The following ADAMTS2 variants were observed in gnomAD, a reference collection of about 807,000 sequenced individuals.
The protein encoded by ADAMTS2 is ADAM metallopeptidase with thrombospondin type 1 motif 2, also known as A disintegrin and metalloproteinase with thrombospondin motifs 2.
A neutral mutation model predicts 123.0 loss-of-function variants in ADAMTS2; 50 were observed. The ratio of observed to expected loss-of-function variants is 0.41; its 90% CI spans 0.32 to 0.51. The LOEUF is 0.51. Ranked by LOEUF, ADAMTS2 falls within the 20% of genes least tolerant of loss-of-function variation. The pLI, the probability that ADAMTS2 is intolerant of heterozygous loss-of-function variation, is 0.35. For missense variants in ADAMTS2, 1,494 were observed against 1,705.2 expected (o/e 0.88, Z 2.18); for synonymous variants, 678 against 695.4 (o/e 0.98, Z 0.39).
intron 4 of ADAMTS2, among the ~76,000 whole-genome samples, chr5:179,196,078 G>A (rs995696517): frequency 5.3e-5 from 8 of 152,062 alleles, no homozygotes; most frequent in South Asian, 2.1e-4. Flanking sequence ...CTTCCCCACC[G>A]CCACCATGCG....
intron 12 of ADAMTS2, among the ~76,000 whole-genome samples, chr5:179,136,728 T>G (rs2113216009): frequency 6.6e-6 from 1 of 150,412 alleles, no homozygotes; most frequent in South Asian, 2.1e-4. Flanking sequence ...CCCAGCACTT[T>G]GGGAGGCCGA....
At chr5:179,200,344 G>C (rs533649883) in intron 4 of ADAMTS2, among the ~76,000 whole-genome samples, 1 of 149,564 alleles carries the variant, frequency 6.7e-6, no homozygotes, top group African/African-American at 2.5e-5. Flanking sequence ...CGCCTCCCAG[G>C]TTCAAGCCAT....
intron 3 of ADAMTS2, among the ~76,000 whole-genome samples, chr5:179,255,671 C>T (rs1171657967): frequency 6.6e-6 from 1 of 152,158 alleles, no homozygotes; most frequent in Non-Finnish European, 1.5e-5. Flanking sequence ...GAGGTAGAGC[C>T]GTCTCCCAAG....
At position 179,311,067 on chromosome 5, in the gene ADAMTS2, C is replaced by G. The variant is rs553393073; in HGVS notation, c.534+32700G>C. Among the ~76,000 whole-genome samples, 102 of 151,172 alleles carry G rather than the reference C, an allele frequency of 6.7e-4. 1 individual carries two copies. In the South Asian group the frequency reaches 0.021, roughly 30 times the overall value. Reference sequence around the variant, plus strand: ...CCCCCAACCCACCGAGTGCAGGGCCCGTTGACTCCTATCTCAACAACAACA... The same window carrying G: ...CCCCCAACCCACCGAGTGCAGGGCCGGTTGACTCCTATCTCAACAACAACA... On this transcript the variant is annotated intron_variant, in intron 2 of 21. Transcript: ENST00000251582.
intron 2 of ADAMTS2, among the ~76,000 whole-genome samples, chr5:179,336,159 G>A (rs56105546): frequency 0.25 from 37,414 of 152,078 alleles, 4,645 homozygotes; most frequent in Admixed American, 0.29. Flanking sequence ...TGCAATCGGC[G>A]GGTCTCAGGC....
In ADAMTS2 at chr5:179,155,903, C is replaced by G. The variant is rs756627900; in HGVS notation, c.1133-984G>C. ...TCCACAGAGAAGGGAAGGAGGGCCA[C>G]TGGGACCCCGGGTGAGCTGGCGGTG... On this transcript the variant is annotated intron_variant, in intron 6 of 21. Coordinates refer to ENST00000251582, the MANE Select transcript of ADAMTS2 (RefSeq NM_014244.5). This position sits in a 1 kb window ranked among gnomAD's most constrained non-coding sequence, Gnocchi z 5.1. 3.9e-5 allele frequency among the ~76,000 whole-genome samples: 6 copies of G among 152,164 alleles called. No homozygotes were observed. The highest frequency in any genetic ancestry group is 8.8e-5 in the Non-Finnish European group (6 of 68,034).
intron 5 of ADAMTS2, among the ~76,000 whole-genome samples, chr5:179,166,431 A>G (rs1379120222): frequency 6.6e-6 from 1 of 152,192 alleles, no homozygotes; most frequent in Non-Finnish European, 1.5e-5. Context: ...TTGGGTCAGA[A>G]GGTCACTTTG....
rs143545670 is a variant in ADAMTS2 at position 179,203,210 on chromosome 5, C to T, written c.891+4303G>A. 1.9e-3 allele frequency among the ~76,000 whole-genome samples: 289 copies of T among 152,360 alleles called. 1 individual carries two copies. The highest frequency in any genetic ancestry group is 3.0e-3 in the Non-Finnish European group (206 of 68,032). On this transcript the variant is annotated intron_variant, in intron 4 of 21. Transcript: ENST00000251582. ...CCACCATCAGGGCCCCCACCAGCTCCTCCTCCCAGGGCTCGACGGCCTTTC... is the reference window on the plus strand; with the variant it reads ...CCACCATCAGGGCCCCCACCAGCTCTTCCTCCCAGGGCTCGACGGCCTTTC...
intron 3 of ADAMTS2, among the ~76,000 whole-genome samples, chr5:179,253,198 G>T (rs897935901): frequency 1.2e-4 from 18 of 152,294 alleles, no homozygotes; most frequent in African/African-American, 4.3e-4. Context: ...TGTCAGATAT[G>T]ACAGCCTCTG....
At chr5:179,201,276 C>G (rs917155796) in intron 4 of ADAMTS2, among the ~76,000 whole-genome samples, 2 of 152,182 alleles carry the variant, frequency 1.3e-5, no homozygotes, top group Admixed American at 6.5e-5. Context: ...GCGATAGATT[C>G]AACTCTATGA....
Position 179,117,863 on chromosome 5 carries a change from C to T in ADAMTS2, c.3179-3539G>A, listed in dbSNP as rs113877379. 3.6e-3 allele frequency among the ~76,000 whole-genome samples: 544 copies of T among 152,296 alleles called. 1 individual carries two copies. Among genetic ancestry groups the T allele is most frequent in the African/African-American group, 0.012 (495 of 41,570 alleles). On this transcript the variant is annotated intron_variant, in intron 21 of 21. Coordinates refer to ENST00000251582, the MANE Select transcript of ADAMTS2 (RefSeq NM_014244.5). The surrounding 1 kb of genome is among the most constrained non-coding windows in gnomAD (Gnocchi z 4.2). ...TGCATTTCTTATCTGTGGCTGCTTT[C>T]CCACTATAAAGGCAGAGCTGAGTCC...
intron 4 of ADAMTS2, among the ~76,000 whole-genome samples, chr5:179,204,225 A>G (rs1187488217): frequency 6.6e-6 from 1 of 152,222 alleles, no homozygotes; most frequent in African/African-American, 2.4e-5. Flanking sequence ...CAATGGGCAC[A>G]GTTTCAATTT....
In ADAMTS2 at chr5:179,194,921, C is replaced by T. The variant is rs1378463008; in HGVS notation, c.891+12592G>A. 4.6e-5 allele frequency among the ~76,000 whole-genome samples: 7 copies of T among 152,316 alleles called. No homozygotes were observed. The East Asian group carries it at 5.8e-4, about 13-fold the overall frequency. ...ATCTTTGTAGACCACAAATCAACCT[C>T]GCTCCCGCTCTCCAAGCCCCACAAG... is the stretch of plus-strand genomic sequence containing the variant. On this transcript the variant is annotated intron_variant, in intron 4 of 21. Transcript: ENST00000251582.
At chr5:179,283,698 G>C (rs1755903049) in intron 2 of ADAMTS2, among the ~76,000 whole-genome samples, 1 of 151,610 alleles carries the variant, frequency 6.6e-6, no homozygotes, top group Non-Finnish European at 1.5e-5. Flanking sequence ...TTGAGACCAG[G>C]CTGGCCAACA....
intron 3 of ADAMTS2, among the ~76,000 whole-genome samples, chr5:179,222,273 G>A (rs1393540497): frequency 6.6e-6 from 1 of 151,186 alleles, no homozygotes. Flanking sequence ...CCCAGACCAC[G>A]GTGTTGACGA....
At chr5:179,341,078 C>T (rs1757758598) in intron 2 of ADAMTS2, among the ~76,000 whole-genome samples, 1 of 152,126 alleles carries the variant, frequency 6.6e-6, no homozygotes, top group Non-Finnish European at 1.5e-5. Flanking sequence ...CACCTGTAAC[C>T]AGGGATGAGA....
intron 2 of ADAMTS2, among the ~76,000 whole-genome samples, chr5:179,286,405 C>T (rs1028540331): frequency 2.0e-5 from 3 of 151,702 alleles, no homozygotes; most frequent in Non-Finnish European, 4.4e-5. Context: ...GCCTGAGCAC[C>T]AGCACTCCCA....
At chr5:179,315,773 G>A (rs934989324) in intron 2 of ADAMTS2, among the ~76,000 whole-genome samples, 3 of 152,184 alleles carry the variant, frequency 2.0e-5, no homozygotes, top group African/African-American at 7.2e-5. Flanking sequence ...CTTGGTGGCT[G>A]CACCGAAGAG....
rs1376874189 is a variant in ADAMTS2 at position 179,341,548 on chromosome 5, A to AT, written c.534+2218_534+2219insA. ...ACACCGTCTCTACTAAAAATTAAAA[A>AT]AAAAATAAAAAAAAATTAGCTGCAC... On this transcript the variant is annotated intron_variant, in intron 2 of 21. Transcript: ENST00000251582. 9.2e-5 allele frequency among the ~76,000 whole-genome samples: 14 copies of AT among 151,948 alleles called. 1 individual carries two copies. The highest frequency in any genetic ancestry group is 2.1e-4 in the South Asian group (1 of 4,806).
Sources: gnomAD v4.1 joint callset for allele counts (sites outside exome capture counted in the v4.1 genomes callset) on GRCh38, gnomAD v4.1.1 for gene constraint, Gnocchi (gnomAD v3.1) non-coding constraint, MANE v1.5 for transcripts, NCBI Gene and HGNC (gene_info 2026-07-23, HGNC 2026-07-21) for gene names.